SCUBE1: variants seen among roughly 807,000 people sequenced by gnomAD.
SCUBE1 encodes the protein signal peptide, CUB and EGF-like domain-containing protein 1.
A neutral mutation model predicts 124.4 loss-of-function variants in SCUBE1; 59 were observed. That is an observed-to-expected ratio of 0.47 (90% CI 0.38 to 0.59). SCUBE1 has a LOEUF of 0.59. SCUBE1 is among the 20% of genes least tolerant of loss of function. SCUBE1 has a pLI of 0.00. For synonymous variants in SCUBE1, 545 were observed against 550.9 expected (o/e 0.99, Z 0.15); for missense variants, 1,150 against 1,371.2 (o/e 0.84, Z 2.55).
At chr22:43,263,355 T>C (rs188846023) in intron 4 of SCUBE1, among the ~76,000 whole-genome samples, 20 of 152,302 alleles carry the variant, frequency 1.3e-4, no homozygotes, top group Admixed American at 1.2e-3. Context: ...TTCTAGAATT[T>C]ATGAGGTCAG....
intron 3 of SCUBE1, among the ~76,000 whole-genome samples, chr22:43,297,436 G>A (rs1292028272): frequency 6.6e-6 from 1 of 152,250 alleles, no homozygotes; most frequent in Non-Finnish European, 1.5e-5. Context: ...CTGGAGGCCG[G>A]GGTGGCGGCG....
chr22:43,285,321 C>G (rs1465684010), intron 4 of SCUBE1, among the ~76,000 whole-genome samples: 1 of 152,208 alleles, frequency 6.6e-6, no homozygotes, highest in Admixed American at 6.5e-5. Flanking sequence ...GCTCACCACC[C>G]TGCCTTGTTC....
chr22:43,302,228 A>G (rs1227995245), intron 3 of SCUBE1, among the ~76,000 whole-genome samples: 2 of 152,194 alleles, frequency 1.3e-5, no homozygotes, highest in African/African-American at 4.8e-5. Flanking sequence ...TGCTCAGTGC[A>G]TGACGGGATC....
chr22:43,326,243 C>G (rs894636185), intron 2 of SCUBE1, among the ~76,000 whole-genome samples: 3 of 152,190 alleles, frequency 2.0e-5, no homozygotes, highest in African/African-American at 7.2e-5. Flanking sequence ...ACCAAACGCT[C>G]TAACAAAGAC....
At chr22:43,221,425 C>A in intron 12 of SCUBE1, 136 bp from the exon 13 acceptor site, 1 of 649,668 alleles carries the variant, frequency 1.5e-6, no homozygotes, top group Non-Finnish European at 2.8e-6. Context: ...GCCCCGACAG[C>A]TCTCCTGGGG....
At chr22:43,242,648 G>A (rs73163968) in intron 6 of SCUBE1, among the ~76,000 whole-genome samples, 2 of 152,372 alleles carry the variant, frequency 1.3e-5, no homozygotes, top group Non-Finnish European at 2.9e-5. Context: ...CCTGGGACTG[G>A]GAAGAGGAGG....
intron 6 of SCUBE1, among the ~76,000 whole-genome samples, chr22:43,243,715 C>T (rs1438667889): frequency 1.3e-5 from 2 of 152,246 alleles, no homozygotes; most frequent in African/African-American, 4.8e-5. Flanking sequence ...TGACCCCGGG[C>T]AAGTCCCTTG....
intron 3 of SCUBE1, among the ~76,000 whole-genome samples, chr22:43,299,522 T>C (rs1173930983): frequency 2.6e-5 from 4 of 152,176 alleles, no homozygotes; most frequent in Non-Finnish European, 1.5e-5. Context: ...GCACTCACAA[T>C]TGGCCCAGAA....
chr22:43,212,198 G>T (rs542076046), intron 17 of SCUBE1, among the ~76,000 whole-genome samples: 12 of 152,214 alleles, frequency 7.9e-5, no homozygotes, highest in Admixed American at 2.0e-4. Context: ...GTGCTCCGAG[G>T]AGCTGCTGTT....
At chr22:43,245,199 T>C (rs566056966) in intron 6 of SCUBE1, among the ~76,000 whole-genome samples, 1 of 152,300 alleles carries the variant, frequency 6.6e-6, no homozygotes, top group East Asian at 1.9e-4. Context: ...GCAGCAGCCT[T>C]ATGGCCAGCG....
chr22:43,247,197 T>G (rs1395848603), intron 6 of SCUBE1, among the ~76,000 whole-genome samples: 4 of 152,218 alleles, frequency 2.6e-5, no homozygotes, highest in African/African-American at 9.6e-5. Flanking sequence ...GGAAAGTGGC[T>G]GAGCACCTGC....
chr22:43,297,871 C>T (rs1197284761), intron 3 of SCUBE1, among the ~76,000 whole-genome samples: 1 of 152,226 alleles, frequency 6.6e-6, no homozygotes, highest in African/African-American at 2.4e-5. Context: ...TGGACCCACC[C>T]ATGTTTTCAT....
At chr22:43,206,387 C>A (rs1252301773) in intron 21 of SCUBE1, among the ~76,000 whole-genome samples, 1 of 151,432 alleles carries the variant, frequency 6.6e-6, no homozygotes. Context: ...AGCACACTCC[C>A]CCACCCCCCG....
intron 3 of SCUBE1, among the ~76,000 whole-genome samples, chr22:43,306,977 G>T (rs547583544): frequency 6.6e-6 from 1 of 152,330 alleles, no homozygotes; most frequent in South Asian, 2.1e-4. Context: ...CTGTGCACCT[G>T]CCACCGTCAA....
At chr22:43,233,377 A>G (rs9623787) in intron 7 of SCUBE1, 38,701 of 152,168 alleles carry the variant, frequency 0.25, 5,419 homozygotes, top group Middle Eastern at 0.34. Context: ...ACAAAATAAT[A>G]ATAATAATCA....
intron 4 of SCUBE1, among the ~76,000 whole-genome samples, chr22:43,267,352 A>G (rs987148669): frequency 9.2e-5 from 14 of 152,192 alleles, no homozygotes; most frequent in Admixed American, 6.5e-4. Context: ...GGAAGGAAGA[A>G]GAGAGAAAGA....
At chr22:43,239,918 T>C (rs1037602560) in intron 6 of SCUBE1, among the ~76,000 whole-genome samples, 14 of 152,192 alleles carry the variant, frequency 9.2e-5, no homozygotes, top group Admixed American at 2.0e-4. Flanking sequence ...CTTAACGGTC[T>C]CCCTAATGGG....
chr22:43,301,525 C>T (rs5759269), intron 3 of SCUBE1, among the ~76,000 whole-genome samples: 14,520 of 152,146 alleles, frequency 0.095, 1,424 homozygotes, highest in East Asian at 0.5. Context: ...CTTGTCTTGG[C>T]ACGGCTGCCT....
chr22:43,269,405 C>T (rs972313321), intron 4 of SCUBE1, among the ~76,000 whole-genome samples: 4 of 152,210 alleles, frequency 2.6e-5, no homozygotes, highest in African/African-American at 9.6e-5. Flanking sequence ...ACGGATGCAT[C>T]TCAAGCAGGG....
Sources: allele counts gnomAD v4.1 joint callset (sites outside exome capture counted in the v4.1 genomes callset), GRCh38; gene constraint gnomAD v4.1.1; transcripts MANE v1.5; gene names NCBI Gene and HGNC (gene_info 2026-07-23, HGNC 2026-07-21).